The following KYNU variants were observed in gnomAD, a reference collection of about 807,000 sequenced individuals.
KYNU encodes L-kynurenine hydrolase.
A neutral mutation model predicts 59.2 loss-of-function variants in KYNU; 54 were observed. The observed-to-expected ratio is 0.91, with a 90% CI of 0.73 to 1.14. KYNU has a LOEUF of 1.14. KYNU is among the 50% of genes most tolerant of loss of function. The probability of loss-of-function intolerance (pLI) is 0.00; values close to 1 mark genes in which losing one functional copy is unlikely to be tolerated. For synonymous variants in KYNU, 177 were observed against 192.0 expected (o/e 0.92, Z 0.65); for missense variants, 567 against 554.4 (o/e 1.02, Z -0.23).
At chr2:142,887,634 A>T (rs954841900) in intron 2 of KYNU, among the ~76,000 whole-genome samples, 1 of 152,230 alleles carries the variant, frequency 6.6e-6, no homozygotes, top group Non-Finnish European at 1.5e-5. Context: ...CTATGAGAAC[A>T]TCATGCCAAG....
At chr2:142,915,860 T>G (rs1369559077) in intron 2 of KYNU, among the ~76,000 whole-genome samples, 3 of 152,146 alleles carry the variant, frequency 2.0e-5, no homozygotes, top group South Asian at 4.1e-4. Context: ...AACCACCTGT[T>G]CCTAATACTG....
intron 13 of KYNU, 123 bp downstream of exon 13, chr2:143,040,781 A>G (rs1436617245): frequency 1.5e-6 from 1 of 650,096 alleles, no homozygotes; most frequent in African/African-American, 1.8e-5. Flanking sequence ...ATTAAGGATA[A>G]ATTAAGTGCC....
intron 8 of KYNU, among the ~76,000 whole-genome samples, chr2:142,976,785 T>G (rs532440853): frequency 1.1e-4 from 16 of 152,246 alleles, no homozygotes; most frequent in South Asian, 8.3e-4. Context: ...TACAGCTTGC[T>G]TTTATACATT....
chr2:142,965,765 G>A (rs531372777), intron 8 of KYNU, among the ~76,000 whole-genome samples: 35 of 152,102 alleles, frequency 2.3e-4, no homozygotes, highest in Non-Finnish European at 4.6e-4. Context: ...TGGCCCTAAA[G>A]TAGAGAGAGA....
chr2:142,887,712 C>T (rs1385652519), intron 2 of KYNU, among the ~76,000 whole-genome samples: 1 of 152,060 alleles, frequency 6.6e-6, no homozygotes. Flanking sequence ...CTAGATTGGT[C>T]AAATTCATAA....
chr2:142,891,968 A>G (rs1297394518), intron 2 of KYNU, among the ~76,000 whole-genome samples: 1 of 151,548 alleles, frequency 6.6e-6, no homozygotes, highest in Non-Finnish European at 1.5e-5. Flanking sequence ...GCTGGAGTGT[A>G]GTGGTGCAAT....
chr2:142,932,774 G>A (rs1683269252), intron 4 of KYNU, among the ~76,000 whole-genome samples: 1 of 138,862 alleles, frequency 7.2e-6, no homozygotes, highest in African/African-American at 2.6e-5. Flanking sequence ...GGGGGCGGGG[G>A]ACACTATAGC....
chr2:143,026,660 C>A (rs1432381630), intron 10 of KYNU, among the ~76,000 whole-genome samples: 1 of 152,244 alleles, frequency 6.6e-6, no homozygotes, highest in African/African-American at 2.4e-5. Flanking sequence ...CATGCAGGCC[C>A]CACAGCAGAC....
chr2:142,962,083 T>C (rs1684374838), intron 8 of KYNU, among the ~76,000 whole-genome samples: 1 of 152,206 alleles, frequency 6.6e-6, no homozygotes, highest in Non-Finnish European at 1.5e-5. Context: ...ATTTAGATGT[T>C]AAATGTTAAG....
At chr2:142,898,058 T>A (rs917946798) in intron 2 of KYNU, among the ~76,000 whole-genome samples, 2 of 152,078 alleles carry the variant, frequency 1.3e-5, no homozygotes, top group African/African-American at 4.8e-5. Flanking sequence ...TGCACCACCA[T>A]GTCTGGCTAA....
chr2:142,996,508 A>G (rs1187355133), intron 10 of KYNU, among the ~76,000 whole-genome samples: 1 of 152,096 alleles, frequency 6.6e-6, no homozygotes, highest in Non-Finnish European at 1.5e-5. Flanking sequence ...ATGAGCCCCC[A>G]TTGTCCTGAA....
rs1246011409 is a variant in KYNU at position 143,054,418 on chromosome 2, A to G, written c.*12246A>G. 1 of 152,216 alleles carries G rather than the reference A, an allele frequency of 6.6e-6. No individual in the cohort carries two copies. Among genetic ancestry groups the G allele is most frequent in the East Asian group, 1.9e-4 (1 of 5,202 alleles). The allele number at this position is 152,216 out of a possible 1,614,324, so 9.4% of individuals were successfully genotyped here. On this transcript the variant is annotated 3_prime_UTR_variant, in exon 14 of 14. Coordinates refer to ENST00000264170, the MANE Select transcript of KYNU (RefSeq NM_003937.3). ...TAATATTTGATGAAGAAAATCGAAT[A>G]TAATCATTTTTCAATACTTAGGATA... is the stretch of plus-strand genomic sequence containing the variant.
chr2:142,916,911 C>CG (rs1397499423), intron 2 of KYNU, among the ~76,000 whole-genome samples: 8 of 152,146 alleles, frequency 5.3e-5, no homozygotes, highest in African/African-American at 1.9e-4. Flanking sequence ...GTAAGCTCCA[C>CG]GGCCTTTGTG....
At chr2:142,913,755 T>G (rs1282329484) in intron 2 of KYNU, among the ~76,000 whole-genome samples, 1 of 152,186 alleles carries the variant, frequency 6.6e-6, no homozygotes, top group Non-Finnish European at 1.5e-5. Context: ...TTTGTTAGTT[T>G]TCTGACTTGA....
intron 8 of KYNU, among the ~76,000 whole-genome samples, chr2:142,970,532 C>T (rs755919958): frequency 5.9e-5 from 9 of 152,200 alleles, no homozygotes; most frequent in East Asian, 1.9e-4. Context: ...GTCACTAGTA[C>T]GTGATGGATA....
At position 143,045,344 on chromosome 2, in the gene KYNU, A is replaced by C. The variant is rs550210837; in HGVS notation, c.*3172A>C. 1 of 152,164 alleles carries C rather than the reference A, an allele frequency of 6.6e-6. No homozygotes were observed. Among genetic ancestry groups the C allele is most frequent in the Admixed American group, 6.6e-5 (1 of 15,260 alleles). 9.4% of individuals were successfully genotyped at this position (152,164 alleles called of 1,614,324 possible). On this transcript the variant is annotated 3_prime_UTR_variant, in exon 14 of 14. Coordinates refer to ENST00000264170, the MANE Select transcript of KYNU (RefSeq NM_003937.3). ...TTTTTTGGTTCCATATGAAATTTAA[A>C]GTAGTTTTTTCTAATTCTGTGAAGA... is the stretch of plus-strand genomic sequence containing the variant.
At chr2:143,022,075 G>C in intron 10 of KYNU, among the ~76,000 whole-genome samples, 1 of 152,166 alleles carries the variant, frequency 6.6e-6, no homozygotes, top group South Asian at 2.1e-4. Flanking sequence ...AAGTACAGTA[G>C]TAATAATTTA....
chr2:142,951,785 GTTTAA>G (rs1405463512), intron 4 of KYNU, among the ~76,000 whole-genome samples: 1 of 152,186 alleles, frequency 6.6e-6, no homozygotes, highest in African/African-American at 2.4e-5. Context: ...GCTCAGTTAA[GTTTAA>G]TTTAAAGTGG....
chr2:143,007,472 G>A (rs1685950780), intron 10 of KYNU, among the ~76,000 whole-genome samples: 2 of 128,878 alleles, frequency 1.6e-5, no homozygotes, highest in South Asian at 5.6e-4. Flanking sequence ...AACCAAGTTG[G>A]AAAACACTCT....
Sources: allele counts gnomAD v4.1 joint callset (sites outside exome capture counted in the v4.1 genomes callset), GRCh38; gene constraint gnomAD v4.1.1; transcripts MANE v1.5; gene names NCBI Gene and HGNC (gene_info 2026-07-23, HGNC 2026-07-21).